Variants in MSANTD2 observed in about 807,000 individuals in gnomAD.
MSANTD2 encodes the protein Myb/SANT DNA binding domain containing 2, also known as myb/SANT-like DNA-binding domain-containing protein 2.
MSANTD2 carries 19 observed loss-of-function variants against 52.6 expected under a neutral mutation model. The observed-to-expected ratio is 0.36, with a 90% CI of 0.25 to 0.53. MSANTD2 has a LOEUF of 0.53. Ranked by LOEUF, MSANTD2 falls within the 20% of genes least tolerant of loss-of-function variation. The pLI is 0.91. For missense variants in MSANTD2, 558 were observed against 716.3 expected (o/e 0.78, Z 2.52); for synonymous variants, 291 against 289.7 (o/e 1.00, Z -0.04).
chr11:124,782,285 T>TAA (rs56183065), intron 1 of MSANTD2, among the ~76,000 whole-genome samples: 70 of 141,290 alleles, frequency 5.0e-4, no homozygotes, highest in East Asian at 2.1e-3. Flanking sequence ...TGTCTCTACT[T>TAA]AAAAAAAAAA....
intron 2 of MSANTD2, among the ~76,000 whole-genome samples, chr11:124,773,960 T>C (rs1338590457): frequency 6.6e-6 from 1 of 152,198 alleles, no homozygotes; most frequent in Admixed American, 6.5e-5. Context: ...TGAAATCAAA[T>C]TATGAAAATA....
intron 1 of MSANTD2, among the ~76,000 whole-genome samples, chr11:124,797,106 T>C (rs902489900): frequency 6.6e-6 from 1 of 152,218 alleles, no homozygotes; most frequent in Non-Finnish European, 1.5e-5. Flanking sequence ...AGTCTGTTTT[T>C]TCGTTAAACA....
rs1262397623 is a variant in MSANTD2, at chr11:124,774,429, A to C, written c.766+290T>G. 5.9e-5 allele frequency among the ~76,000 whole-genome samples: 9 copies of C among 152,184 alleles called. No homozygotes were observed. The highest frequency in any genetic ancestry group is 1.9e-4 in the African/African-American group (8 of 41,444). On this transcript the variant is annotated intron_variant, in intron 2 of 3. Coordinates refer to ENST00000374979, the MANE Select transcript of MSANTD2 (RefSeq NM_001308027.2). The surrounding 1 kb of genome is among the most constrained non-coding windows in gnomAD (Gnocchi z 5.1). ...GTGTACTTGTATAGCTCAGAATTAG[A>C]AATTCTTCTGTGTCTTTGGGAATCC...
At chr11:124,778,689 G>C (rs1242396620) in intron 1 of MSANTD2, among the ~76,000 whole-genome samples, 1 of 152,226 alleles carries the variant, frequency 6.6e-6, no homozygotes, top group Non-Finnish European at 1.5e-5. Flanking sequence ...GAAGGGAAAA[G>C]AGCCAGAGAA....
In MSANTD2 at chr11:124,783,785, AAAG is replaced by A. The variant is rs1444680636; in HGVS notation, c.511-8814_511-8812del. 7 of 985,202 alleles carry A rather than the reference AAAG, an allele frequency of 7.1e-6. No individual in the cohort carries two copies. In the African/African-American group the frequency reaches 1.0e-4, roughly 15 times the overall value. 61.0% of individuals were successfully genotyped at this position (985,202 alleles called of 1,614,324 possible). ...TTCAGATTACTAAGAAAAAAACCCT[AAAG>A]AAGGACAATACTAATTGTTAAAAAC... On this transcript the variant is annotated intron_variant, in intron 1 of 3. Coordinates refer to ENST00000374979, the MANE Select transcript of MSANTD2 (RefSeq NM_001308027.2).
At chr11:124,791,635 C>G in intron 1 of MSANTD2, 1 of 1,478,262 alleles carries the variant, frequency 6.8e-7, no homozygotes, top group Non-Finnish European at 9.4e-7. Context: ...TTCCATCCTT[C>G]CAGACTTTCT....
At chr11:124,799,241 T>C (rs1340000349) in intron 1 of MSANTD2, among the ~76,000 whole-genome samples, 2 of 152,196 alleles carry the variant, frequency 1.3e-5, no homozygotes, top group Admixed American at 1.3e-4. Context: ...AAGCTAACTT[T>C]TATGGTGTAC....
chr11:124,798,033 T>C (rs1945551112), intron 1 of MSANTD2, among the ~76,000 whole-genome samples: 1 of 152,056 alleles, frequency 6.6e-6, no homozygotes. Flanking sequence ...CAGTTTAAAA[T>C]GCCTAAAATG....
chr11:124,767,258 A>G lies in MSANTD2; in HGVS notation c.1598T>C (p.Val533Ala). Residue 533 changes from valine (V) to alanine (A), a missense_variant, in exon 4 of 4, where the codon GTA becomes GCA. Transcript: ENST00000374979. The surrounding 1 kb of genome is among the most constrained non-coding windows in gnomAD (Gnocchi z 6.5). ...GCCTGCGGAAAGAAAATCCCTCTCT[A>G]CTTCTACAAATTTGATGTAGATGGA... ...PKSIYIKFVE[V>A]ERDFLSAGSL... is the part of the protein sequence containing the mutation. 1 of 1,614,164 alleles carries G rather than the reference A, an allele frequency of 6.2e-7. No individual in the cohort carries two copies. The highest frequency in any genetic ancestry group is 8.5e-7 in the Non-Finnish European group (1 of 1,180,020).
intron 3 of MSANTD2, among the ~76,000 whole-genome samples, chr11:124,771,538 G>C (rs2135232057): frequency 6.6e-6 from 1 of 152,328 alleles, no homozygotes; most frequent in African/African-American, 2.4e-5. Flanking sequence ...GGGAGGCCTA[G>C]ACAGGTGGAT....
intron 3 of MSANTD2, among the ~76,000 whole-genome samples, chr11:124,770,773 T>C (rs6590093): frequency 0.29 from 42,836 of 148,146 alleles, 8,871 homozygotes; most frequent in African/African-American, 0.59. Flanking sequence ...GCCCAGCTAA[T>C]TTTTTGGTTT....
At chr11:124,791,700 G>T in intron 1 of MSANTD2, 3 of 1,071,988 alleles carry the variant, frequency 2.8e-6, no homozygotes, top group South Asian at 2.6e-5. Flanking sequence ...TGTGGCTGGG[G>T]AAGGGGAAAG....
intron 1 of MSANTD2, among the ~76,000 whole-genome samples, chr11:124,778,526 G>A (rs2135245078): frequency 6.6e-6 from 1 of 152,288 alleles, no homozygotes; most frequent in Non-Finnish European, 1.5e-5. Context: ...AGGGATAGAG[G>A]TCAGGAGGAG....
intron 1 of MSANTD2, among the ~76,000 whole-genome samples, chr11:124,776,972 T>C (rs1259472849): frequency 4.6e-5 from 7 of 152,218 alleles, no homozygotes; most frequent in South Asian, 2.1e-4. Context: ...ACCAGAAATA[T>C]GAACTTGGCA....
intron 3 of MSANTD2, among the ~76,000 whole-genome samples, chr11:124,772,636 C>A (rs1336444604): frequency 2.7e-5 from 4 of 148,432 alleles, no homozygotes; most frequent in Non-Finnish European, 5.9e-5. Flanking sequence ...ACGCTGGAGG[C>A]TGAGGCAGGA....
rs545765202 is a variant in MSANTD2 at position 124,771,544 on chromosome 11, T to C, written c.827+1450A>G. Among the ~76,000 whole-genome samples the C allele has an allele frequency of 9.9e-5, 15 of 152,200 alleles. No homozygotes were observed. In the South Asian group the frequency reaches 1.5e-3, roughly 15 times the overall value. The stretch of plus-strand genomic sequence containing the variant: ...CAACACTTTGGGAGGCCTAGACAGG[T>C]GGATTACTTGAGGTCAGGAGTTCGA... On this transcript the variant is annotated intron_variant, in intron 3 of 3. Coordinates refer to ENST00000374979, the MANE Select transcript of MSANTD2 (RefSeq NM_001308027.2).
intron 1 of MSANTD2, chr11:124,784,680 T>C: frequency 2.0e-6 from 2 of 984,692 alleles, no homozygotes; most frequent in Non-Finnish European, 2.4e-6. Context: ...TCTGTAGTTA[T>C]TTTCTCACTA....
intron 1 of MSANTD2, among the ~76,000 whole-genome samples, chr11:124,797,744 C>T (rs1264023632): frequency 6.6e-6 from 1 of 152,192 alleles, no homozygotes; most frequent in Non-Finnish European, 1.5e-5. Context: ...AACCCATACT[C>T]ATCAGCACAT....
intron 1 of MSANTD2, chr11:124,784,057 C>G: frequency 9.1e-6 from 9 of 985,172 alleles, no homozygotes; most frequent in Non-Finnish European, 1.1e-5. Context: ...GTAGGGTATA[C>G]TGAACTATTT....
Sources: allele counts gnomAD v4.1 joint callset (sites outside exome capture counted in the v4.1 genomes callset), GRCh38; gene constraint gnomAD v4.1.1; non-coding constraint Gnocchi (gnomAD v3.1); transcripts MANE v1.5; gene names NCBI Gene and HGNC (gene_info 2026-07-23, HGNC 2026-07-21).